SLC22A23: variants seen among roughly 807,000 people sequenced by gnomAD.
The protein encoded by SLC22A23 is solute carrier family 22 member 23.
Under a neutral mutation model 61.0 loss-of-function variants are expected in SLC22A23, and 26 were observed. The observed-to-expected ratio is 0.43, with a 90% CI of 0.31 to 0.59. The LOEUF is 0.59. SLC22A23 is among the 20% of genes least tolerant of loss of function. The pLI, the probability that SLC22A23 is intolerant of heterozygous loss-of-function variation, is 0.11. For missense variants in SLC22A23, 796 were observed against 934.7 expected (o/e 0.85, Z 1.94); for synonymous variants, 430 against 413.9 (o/e 1.04, Z -0.47).
At position 3,323,827 on chromosome 6, in the gene SLC22A23, T is replaced by C; in HGVS notation, c.1082+7A>G. 3 of 1,612,512 alleles carry C rather than the reference T, an allele frequency of 1.9e-6. No homozygotes were observed. The highest frequency in any genetic ancestry group is 2.5e-6 in the Non-Finnish European group (3 of 1,179,160). On this transcript the variant is annotated splice_region_variant and intron_variant, in intron 4 of 9. Coordinates refer to ENST00000406686, the MANE Select transcript of SLC22A23 (RefSeq NM_015482.2). ...CCAGCCCAGGGCGCTGTGCAGAGTG[T>C]ACTCACGACCAGTAGAGCAGCATGA... is the stretch of plus-strand genomic sequence containing the variant.
At chr6:3,448,105 G>A (rs533970623) in intron 1 of SLC22A23, among the ~76,000 whole-genome samples, 1 of 151,570 alleles carries the variant, frequency 6.6e-6, no homozygotes, top group Non-Finnish European at 1.5e-5. Flanking sequence ...GTTTCACCAT[G>A]TCGGTCAGGC....
chr6:3,349,478 A>AC (rs1357788764), intron 3 of SLC22A23, among the ~76,000 whole-genome samples: 1 of 152,214 alleles, frequency 6.6e-6, no homozygotes, highest in Non-Finnish European at 1.5e-5. Flanking sequence ...AATGTGGTTC[A>AC]ACCATAGGGC....
At position 3,427,438 on chromosome 6, in the gene SLC22A23, A is replaced by G. The variant is rs1000908226; in HGVS notation, c.655-11583T>C. ...CCCTAACTGACCCAAATTAAGGGGTATTTTACTAGTTTTACATCCTGTCTG... is the reference window on the plus strand; with the variant it reads ...CCCTAACTGACCCAAATTAAGGGGTGTTTTACTAGTTTTACATCCTGTCTG... On this transcript the variant is annotated intron_variant, in intron 1 of 9. Coordinates refer to ENST00000406686, the MANE Select transcript of SLC22A23 (RefSeq NM_015482.2). The surrounding 1 kb of genome is among the most constrained non-coding windows in gnomAD (Gnocchi z 4.3). 1.3e-5 allele frequency among the ~76,000 whole-genome samples: 2 copies of G among 152,122 alleles called. No individual in the cohort carries two copies. Among genetic ancestry groups the G allele is most frequent in the Admixed American group, 1.3e-4 (2 of 15,270 alleles).
chr6:3,288,292 G>A (rs1378389232), intron 6 of SLC22A23, among the ~76,000 whole-genome samples: 2 of 152,096 alleles, frequency 1.3e-5, no homozygotes, highest in Admixed American at 6.5e-5. Flanking sequence ...ACACCCTTTC[G>A]TGCTTCAGGG....
chr6:3,393,364 C>T (rs1767791186), intron 3 of SLC22A23, among the ~76,000 whole-genome samples: 1 of 152,176 alleles, frequency 6.6e-6, no homozygotes, highest in South Asian at 2.1e-4. Context: ...ACGAGCCATA[C>T]GTGGTTACTT....
Position 3,360,548 on chromosome 6 carries a change from G to A in SLC22A23, c.914-36546C>T, listed in dbSNP as rs986323107. 6.6e-6 allele frequency among the ~76,000 whole-genome samples: 1 copy of A among 152,370 alleles called. No individual in the cohort carries two copies. Among genetic ancestry groups the A allele is most frequent in the South Asian group, 2.1e-4 (1 of 4,828 alleles). ...TCGGGTTTCAGGCAACGGCTCAACC[G>A]TGGAGGGAGGTCACTTTGGGGCCTT... On this transcript the variant is annotated intron_variant, in intron 3 of 9. Transcript: ENST00000406686. This position sits in a 1 kb window ranked among gnomAD's most constrained non-coding sequence, Gnocchi z 4.6.
chr6:3,384,027 G>T (rs1025537982), intron 3 of SLC22A23, among the ~76,000 whole-genome samples: 3 of 152,174 alleles, frequency 2.0e-5, no homozygotes, highest in African/African-American at 7.2e-5. Context: ...CCGGATGTCC[G>T]CAGTAATGAT....
chr6:3,339,076 G>C (rs1378339772), intron 3 of SLC22A23, among the ~76,000 whole-genome samples: 1 of 152,212 alleles, frequency 6.6e-6, no homozygotes, highest in Non-Finnish European at 1.5e-5. Flanking sequence ...GGGTCGAGGG[G>C]AGGGAGGAGC....
intron 5 of SLC22A23, among the ~76,000 whole-genome samples, chr6:3,294,176 C>T (rs1760868915): frequency 6.6e-6 from 1 of 152,184 alleles, no homozygotes; most frequent in South Asian, 2.1e-4. Flanking sequence ...GCTCCTCTCC[C>T]TCATGAAGCT....
intron 3 of SLC22A23, among the ~76,000 whole-genome samples, chr6:3,363,287 G>A (rs991050256): frequency 7.9e-5 from 12 of 152,146 alleles, no homozygotes; most frequent in Non-Finnish European, 5.9e-5. Context: ...GGTGAGCTCC[G>A]GCAGCACAGC....
At chr6:3,418,801 G>T (rs1489087265) in intron 1 of SLC22A23, among the ~76,000 whole-genome samples, 3 of 152,232 alleles carry the variant, frequency 2.0e-5, no homozygotes, top group African/African-American at 7.2e-5. Flanking sequence ...CATGCCTGGG[G>T]ATCCGCCTGC....
intron 3 of SLC22A23, among the ~76,000 whole-genome samples, chr6:3,334,759 A>T (rs376968078): frequency 6.6e-6 from 1 of 152,176 alleles, no homozygotes; most frequent in Admixed American, 6.5e-5. Flanking sequence ...TTTAAATTCA[A>T]TTAGAAAACA....
intron 1 of SLC22A23, among the ~76,000 whole-genome samples, chr6:3,416,094 C>T (rs749834201): frequency 2.0e-5 from 3 of 152,320 alleles, no homozygotes; most frequent in Non-Finnish European, 2.9e-5. Context: ...CAAAGAATGA[C>T]GCAGGAAGTC....
intron 3 of SLC22A23, among the ~76,000 whole-genome samples, chr6:3,388,932 G>A (rs909324591): frequency 2.0e-5 from 3 of 152,176 alleles, no homozygotes; most frequent in Admixed American, 6.5e-5. Flanking sequence ...TGGGGAGTTC[G>A]TATTTTTTGC....
intron 1 of SLC22A23, among the ~76,000 whole-genome samples, chr6:3,429,776 T>C (rs1308752004): frequency 1.3e-5 from 2 of 152,204 alleles, no homozygotes; most frequent in African/African-American, 4.8e-5. Flanking sequence ...CTTGAAGACA[T>C]GCTAAGTGAA....
intron 9 of SLC22A23, chr6:3,282,340 G>GGA (rs1367450498): frequency 1.4e-6 from 1 of 702,052 alleles, no homozygotes; most frequent in African/African-American, 1.7e-5. Context: ...GGTAGGGACA[G>GGA]GATGAGTTCC....
intron 3 of SLC22A23, among the ~76,000 whole-genome samples, chr6:3,348,766 G>A (rs1764592468): frequency 6.6e-6 from 1 of 152,194 alleles, no homozygotes; most frequent in Non-Finnish European, 1.5e-5. Context: ...AAACCTTCCA[G>A]CTGCAGAAAG....
Position 3,272,818 on chromosome 6 carries a change from TA to T in SLC22A23, c.*236del. On this transcript the variant is annotated 3_prime_UTR_variant, in exon 10 of 10. Coordinates refer to ENST00000406686, the MANE Select transcript of SLC22A23 (RefSeq NM_015482.2). ...GTGCTTCTCGTAAAAATGACCAAAA[TA>T]AATACACACATTTAACGGCAGAAAA... 2.2e-6 allele frequency: 1 copy of T among 448,554 alleles called. No homozygotes were observed. Among genetic ancestry groups the T allele is most frequent in the Non-Finnish European group, 3.9e-6 (1 of 253,776 alleles). 27.8% of individuals were successfully genotyped at this position (448,554 alleles called of 1,614,324 possible). A position where few individuals can be genotyped will look rare whatever the true frequency, so the allele number is the denominator to read the frequency against.
At chr6:3,442,021 C>T (rs1029782390) in intron 1 of SLC22A23, among the ~76,000 whole-genome samples, 4 of 152,174 alleles carry the variant, frequency 2.6e-5, no homozygotes, top group Non-Finnish European at 4.4e-5. Flanking sequence ...GGGGTAGAGG[C>T]GACCCAAGTG....
Sources: gnomAD v4.1 joint callset for allele counts (sites outside exome capture counted in the v4.1 genomes callset) on GRCh38, gnomAD v4.1.1 for gene constraint, Gnocchi (gnomAD v3.1) non-coding constraint, MANE v1.5 for transcripts, NCBI Gene and HGNC (gene_info 2026-07-23, HGNC 2026-07-21) for gene names.